ELFN1: variants seen among roughly 807,000 people sequenced by gnomAD.
The protein encoded by ELFN1 is extracellular leucine rich repeat and fibronectin type III domain containing 1, also known as protein ELFN1.
ELFN1 carries 6 observed loss-of-function variants against 7.6 expected under a neutral mutation model. The observed-to-expected ratio is 0.79, with a 90% CI of 0.43 to 1.56. ELFN1 has a LOEUF of 1.56. Among genes scored for constraint, ELFN1 ranks in the 40% most tolerant of loss-of-function variants. The probability of loss-of-function intolerance (pLI) is 0.01; values close to 1 mark genes in which losing one functional copy is unlikely to be tolerated. For synonymous variants in ELFN1, 657 were observed against 588.1 expected, an observed-to-expected ratio of 1.12 and a Z score of -1.70; for missense variants, 1,169 against 1,232.2, an observed-to-expected ratio of 0.95 and a Z score of 0.77.
At chr7:1,693,992 C>G (rs559160186) in intron 2 of ELFN1, 1 of 370,146 alleles carries the variant, frequency 2.7e-6, no homozygotes, top group African/African-American at 2.1e-5. Flanking sequence ...ACAGCCCTGT[C>G]TGGCCTGTCC....
At chr7:1,676,959 C>T (rs942958141) in intron 1 of ELFN1, among the ~76,000 whole-genome samples, 3 of 152,164 alleles carry the variant, frequency 2.0e-5, no homozygotes, top group South Asian at 4.2e-4. Flanking sequence ...TAAGGGCACA[C>T]GAGGGAATGA....
At chr7:1,680,486 C>A (rs186529921) in intron 1 of ELFN1, among the ~76,000 whole-genome samples, 141 of 152,288 alleles carry the variant, frequency 9.3e-4, no homozygotes, top group Middle Eastern at 3.4e-3. Context: ...GTTTCCCTTG[C>A]GTGAGCTTGC....
chr7:1,745,833 TCCA>T lies in ELFN1; in HGVS notation c.1239_1241del (p.Thr414del). The stretch of plus-strand genomic sequence containing the variant: ...CCCGCCTGGTCCGGTGCCCAGCCCC[TCCA>T]CGGCCACCCACTACATCATGACCAT... On this transcript the variant is annotated inframe_deletion, in exon 4 of 4. Transcript: ENST00000424383. 1 of 1,579,152 alleles carries T rather than the reference TCCA, an allele frequency of 6.3e-7. No individual in the cohort carries two copies. Among genetic ancestry groups the T allele is most frequent in the Non-Finnish European group, 8.6e-7 (1 of 1,164,714 alleles).
At chr7:1,680,006 GT>G (rs1335612136) in intron 1 of ELFN1, among the ~76,000 whole-genome samples, 1 of 152,252 alleles carries the variant, frequency 6.6e-6, no homozygotes, top group African/African-American at 2.4e-5. Context: ...CAGGTGCACA[GT>G]TCATTAAACA....
At chr7:1,700,516 T>G (rs1352327020) in intron 2 of ELFN1, among the ~76,000 whole-genome samples, 2 of 152,224 alleles carry the variant, frequency 1.3e-5, no homozygotes, top group African/African-American at 4.8e-5. Context: ...ACATACCCAT[T>G]CATTGTGCTT....
At chr7:1,692,000 G>C (rs1317582770) in intron 2 of ELFN1, 1 of 152,274 alleles carries the variant, frequency 6.6e-6, no homozygotes, top group Admixed American at 6.5e-5. Context: ...GGCTGGGCTG[G>C]CGCAGTGGTG....
intron 1 of ELFN1, among the ~76,000 whole-genome samples, chr7:1,679,437 A>C (rs1226327156): frequency 6.6e-6 from 1 of 152,166 alleles, no homozygotes; most frequent in Admixed American, 6.5e-5. Context: ...GCCTGGGGCC[A>C]GGAGGACAGT....
At position 1,735,550 on chromosome 7, in the gene ELFN1, G is replaced by A. The variant is rs1780421007; in HGVS notation, c.-293-8754G>A. Among the ~76,000 whole-genome samples the A allele has an allele frequency of 6.6e-6, 1 of 151,954 alleles. No individual in the cohort carries two copies. The highest frequency in any genetic ancestry group is 6.5e-5 in the Admixed American group (1 of 15,270). ...AGCCCTCCCAGCCCTGGCCTTGCCTGCAACCCCCGCCAGCCTCCCCTGGAC... is the reference window on the plus strand; with the variant it reads ...AGCCCTCCCAGCCCTGGCCTTGCCTACAACCCCCGCCAGCCTCCCCTGGAC... On this transcript the variant is annotated intron_variant, in intron 3 of 3. Coordinates refer to ENST00000424383, the MANE Select transcript of ELFN1 (RefSeq NM_001128636.4). The surrounding 1 kb of genome is among the most constrained non-coding windows in gnomAD (Gnocchi z 5.9).
chr7:1,708,971 G>A (rs1488451037), intron 2 of ELFN1, 120 bp from the exon 3 acceptor site: 1 of 152,236 alleles, frequency 6.6e-6, no homozygotes, highest in Non-Finnish European at 1.5e-5. Context: ...CGTACCTGCA[G>A]TCCGACACGT....
At chr7:1,712,143 G>A (rs1562370228) in intron 3 of ELFN1, among the ~76,000 whole-genome samples, 1 of 152,172 alleles carries the variant, frequency 6.6e-6, no homozygotes, top group Non-Finnish European at 1.5e-5. Context: ...GGGTCCCTTT[G>A]CCGGAAACAC....
At chr7:1,724,113 A>G (rs925487211) in intron 3 of ELFN1, among the ~76,000 whole-genome samples, 1 of 152,184 alleles carries the variant, frequency 6.6e-6, no homozygotes, top group Non-Finnish European at 1.5e-5. Flanking sequence ...CGTCTGTAAA[A>G]TGGAAATAAC....
At position 1,673,684 on chromosome 7, in the gene ELFN1, T is replaced by G. The variant is rs1401577711; in HGVS notation, c.-549+3330T>G. On this transcript the variant is annotated intron_variant, in intron 1 of 3. Transcript: ENST00000424383. This position sits in a 1 kb window ranked among gnomAD's most constrained non-coding sequence, Gnocchi z 4.7. ...AAAGCCCAGAGGAGCCTGGCTGCCT[T>G]GGAGCTGGCATCCCCAGATGGAAAG... Among the ~76,000 whole-genome samples the G allele has an allele frequency of 2.6e-5, 4 of 152,194 alleles. No homozygotes were observed. Among genetic ancestry groups the G allele is most frequent in the Non-Finnish European group, 5.9e-5 (4 of 68,024 alleles).
rs1218201340 is a variant in ELFN1, at chr7:1,740,990, C to T, written c.-293-3314C>T. 6.6e-6 allele frequency among the ~76,000 whole-genome samples: 1 copy of T among 152,090 alleles called. No individual in the cohort carries two copies. The highest frequency in any genetic ancestry group is 1.5e-5 in the Non-Finnish European group (1 of 68,020). ...ACTAAAAGTACAAAAATTAGCCGGGCATGGTGGTGTGTGCCTATAATCCCA... is the reference window on the plus strand; with the variant it reads ...ACTAAAAGTACAAAAATTAGCCGGGTATGGTGGTGTGTGCCTATAATCCCA... On this transcript the variant is annotated intron_variant, in intron 3 of 3. Transcript: ENST00000424383. The surrounding 1 kb of genome is among the most constrained non-coding windows in gnomAD (Gnocchi z 5.0).
At chr7:1,687,745 A>G (rs1416415353) in intron 1 of ELFN1, among the ~76,000 whole-genome samples, 1 of 152,216 alleles carries the variant, frequency 6.6e-6, no homozygotes, top group African/African-American at 2.4e-5. Context: ...ATCTAAAACA[A>G]TCTTTTAAAA....
At chr7:1,707,493 GC>G (rs1355251789) in intron 2 of ELFN1, among the ~76,000 whole-genome samples, 1 of 152,224 alleles carries the variant, frequency 6.6e-6, no homozygotes, top group Non-Finnish European at 1.5e-5. Context: ...CAACCCTGGG[GC>G]TGATGGGTGC....
At chr7:1,682,908 G>A (rs1778998177) in intron 1 of ELFN1, among the ~76,000 whole-genome samples, 1 of 152,132 alleles carries the variant, frequency 6.6e-6, no homozygotes, top group African/African-American at 2.4e-5. Context: ...GAGTTTTTCT[G>A]TGAATGGGTG....
At chr7:1,717,175 CAG>C (rs1779861142) in intron 3 of ELFN1, among the ~76,000 whole-genome samples, 1 of 152,208 alleles carries the variant, frequency 6.6e-6, no homozygotes, top group African/African-American at 2.4e-5. Context: ...TAGAGGCAGA[CAG>C]GGGCCGTGCA....
rs1236736817 is a variant in ELFN1, at chr7:1,747,909, C to T, written c.*826C>T. 2 of 161,824 alleles carry T rather than the reference C, an allele frequency of 1.2e-5. No homozygotes were observed. The highest frequency in any genetic ancestry group is 5.0e-5 in the African/African-American group (2 of 40,080). 10.0% of individuals were successfully genotyped at this position (161,824 alleles called of 1,614,324 possible). On this transcript the variant is annotated 3_prime_UTR_variant, in exon 4 of 4. Coordinates refer to ENST00000424383, the MANE Select transcript of ELFN1 (RefSeq NM_001128636.4). ...AAAAAAAAAAAAAAAAAGACTATGT[C>T]TACTTAAAAAAAAATCTGCAAAGGA...
chr7:1,676,997 A>G (rs1452254746), intron 1 of ELFN1, among the ~76,000 whole-genome samples: 4 of 152,196 alleles, frequency 2.6e-5, no homozygotes, highest in African/African-American at 9.6e-5. Context: ...CGACGTCTGA[A>G]AGCCATGAGG....
Sources: gnomAD v4.1 joint callset for allele counts (sites outside exome capture counted in the v4.1 genomes callset) on GRCh38, gnomAD v4.1.1 for gene constraint, Gnocchi (gnomAD v3.1) non-coding constraint, MANE v1.5 for transcripts, NCBI Gene and HGNC (gene_info 2026-07-23, HGNC 2026-07-21) for gene names.